Variants in IRX1 observed in about 807,000 individuals in gnomAD.
IRX1 encodes iroquois homeobox 1, also known as iroquois-class homeodomain protein IRX-1.
In IRX1, 22 loss-of-function variants were observed where a neutral mutation model predicts 34.1. That is an observed-to-expected ratio of 0.64 (90% CI 0.46 to 0.92). The LOEUF is 0.92. Among genes scored for constraint, IRX1 ranks in the 40% least tolerant of loss-of-function variants. IRX1 has a pLI of 0.00. For missense variants in IRX1, 758 were observed against 680.0 expected, an observed-to-expected ratio of 1.11 and a Z score of -1.28; for synonymous variants, 363 against 319.0, an observed-to-expected ratio of 1.14 and a Z score of -1.47.
At position 3,599,878 on chromosome 5, in the gene IRX1, G is replaced by T; in HGVS notation, c.930G>T (p.Pro310=). 1.3e-6 allele frequency: 2 copies of T among 1,498,950 alleles called. No individual in the cohort carries two copies. Among genetic ancestry groups the T allele is most frequent in the Non-Finnish European group, 1.8e-6 (2 of 1,128,114 alleles). The allele number at this position is 1,498,950 out of a possible 1,614,324, so 92.9% of individuals were successfully genotyped here. ...GAAAGGLQGA[P]HGKPKIWSLA... ...CAGCGGGCGGCCTGCAGGGTGCGCC[G>T]CACGGCAAGCCCAAGATCTGGTCGC... The change falls in exon 2 of 4, where the codon CCG becomes CCT. Residue 310 remains proline (P), a synonymous_variant. Transcript: ENST00000302006. The surrounding 1 kb of genome is among the most constrained non-coding windows in gnomAD (Gnocchi z 6.6).
Position 3,596,109 on chromosome 5 carries a change from T to G in IRX1, c.4T>G (p.Ser2Ala). The G allele has an allele frequency of 9.6e-7, 1 of 1,044,760 alleles. No individual in the cohort carries two copies. The allele number at this position is 1,044,760 out of a possible 1,614,324, so 64.7% of individuals were successfully genotyped here. A position where few individuals can be genotyped will look rare whatever the true frequency, so the allele number is the denominator to read the frequency against. The stretch of plus-strand genomic sequence containing the variant: ...GGCGGTCGCCGAGTCCGCGGACATG[T>G]CCTTCCCGCAGCTGGGCTACCCGCA... M[S>A]FPQLGYPQYL... Residue 2 changes from serine (S) to alanine (A), a missense_variant, in exon 1 of 4, where the codon TCC becomes GCC. Transcript: ENST00000302006.
In IRX1 at chr5:3,599,989, C is replaced by T; in HGVS notation, c.1041C>T (p.Ser347=). ...PAGHPGAHGP[S]AGAPLQHPAF... is the part of the protein sequence containing the mutation. The stretch of plus-strand genomic sequence containing the variant: ...GCCACCCCGGCGCGCACGGGCCCTC[C>T]GCCGGGGCGCCGCTGCAACACCCCG... Residue 347 remains serine (S), a synonymous_variant, in exon 2 of 4, where the codon TCC becomes TCT. Transcript: ENST00000302006. This position sits in a 1 kb window ranked among gnomAD's most constrained non-coding sequence, Gnocchi z 6.6. 4 of 1,515,762 alleles carry T rather than the reference C, an allele frequency of 2.6e-6. No individual in the cohort carries two copies. The highest frequency in any genetic ancestry group is 3.6e-6 in the Non-Finnish European group (4 of 1,126,412). The allele number at this position is 1,515,762 out of a possible 1,614,324, so 93.9% of individuals were successfully genotyped here. A position where few individuals can be genotyped will look rare whatever the true frequency, so the allele number is the denominator to read the frequency against.
At position 3,599,323 on chromosome 5, in the gene IRX1, C is replaced by T. The variant is rs748622584; in HGVS notation, c.375C>T (p.Tyr125=). The stretch of plus-strand genomic sequence containing the variant: ...ATTACCCCTACGGCCAGTTCCAATA[C>T]GGGGACCCCGGGCGGCCCAAGAACG... ...PAYYPYGQFQ[Y]GDPGRPKNAT... is the part of the protein sequence containing the mutation. Residue 125 remains tyrosine, a synonymous_variant, in exon 2 of 4, where the codon TAC becomes TAT. Transcript: ENST00000302006. The surrounding 1 kb of genome is among the most constrained non-coding windows in gnomAD (Gnocchi z 6.6). The T allele has an allele frequency of 1.2e-6, 2 of 1,613,940 alleles. No homozygotes were observed. Among genetic ancestry groups the T allele is most frequent in the African/African-American group, 1.3e-5 (1 of 74,902 alleles).
rs1289193604 is a variant in IRX1, at chr5:3,599,937, C to T, written c.989C>T (p.Pro330Leu). Residue 330 changes from proline (P) to leucine (L), a missense_variant, in exon 2 of 4, where the codon CCC becomes CTC. Pro to Leu is a moderately conservative substitution (Grantham distance 98). Transcript: ENST00000302006. This position sits in a 1 kb window ranked among gnomAD's most constrained non-coding sequence, Gnocchi z 6.6. ...AETATSPDGAPKASPPPPAGH... is the reference protein window; with the variant it reads ...AETATSPDGALKASPPPPAGH... ...ACAGCCACGAGCCCCGACGGTGCGC[C>T]CAAGGCTTCGCCACCACCACCCGCG... 6.7e-7 allele frequency: 1 copy of T among 1,500,012 alleles called. No individual in the cohort carries two copies. Among genetic ancestry groups the T allele is most frequent in the East Asian group, 2.5e-5 (1 of 40,070 alleles). 92.9% of individuals were successfully genotyped at this position (1,500,012 alleles called of 1,614,324 possible). A position where few individuals can be genotyped will look rare whatever the true frequency, so the allele number is the denominator to read the frequency against.
intron 1 of IRX1, among the ~76,000 whole-genome samples, chr5:3,597,712 A>G (rs72725055): frequency 2.0e-4 from 31 of 152,332 alleles, no homozygotes; most frequent in Non-Finnish European, 4.3e-4. Context: ...TACATTTTGG[A>G]ACGATTGGGC....
intron 1 of IRX1, among the ~76,000 whole-genome samples, chr5:3,597,677 C>T (rs939196464): frequency 2.0e-5 from 3 of 152,294 alleles, no homozygotes; most frequent in South Asian, 2.1e-4. Context: ...ACAATTACAA[C>T]CAAAATAATT....
rs1182655916 is a variant in IRX1, at chr5:3,599,585, G to T, written c.637G>T (p.Asp213Tyr). 3.7e-6 allele frequency: 6 copies of T among 1,614,114 alleles called. No homozygotes were observed. Among genetic ancestry groups the T allele is most frequent in the East Asian group, 2.2e-5 (1 of 44,856 alleles). The change falls in exon 2 of 4, where the codon GAC becomes TAC. Residue 213 changes from aspartate to tyrosine, a missense_variant. Physicochemically the swap from Asp to Tyr is radical, Grantham distance 160. This residue lies in a region of IRX1 where 529 missense variants were observed against 418.8 expected (regional missense o/e 1.26). Coordinates refer to ENST00000302006, the MANE Select transcript of IRX1 (RefSeq NM_024337.4). The surrounding 1 kb of genome is among the most constrained non-coding windows in gnomAD (Gnocchi z 6.6). ...GALFGSDTEG[D>Y]PEKAEDDEEI... ...GCTCTTCGGCAGCGACACCGAGGGC[G>T]ACCCGGAGAAGGCCGAGGACGACGA...
chr5:3,600,783 G>T (rs913262776), intron 3 of IRX1, 102 bp downstream of exon 3: 9 of 1,237,194 alleles, frequency 7.3e-6, no homozygotes, highest in Middle Eastern at 2.2e-4. Context: ...TGGGGGTCGC[G>T]CAGTCCTAGT....
rs1390158020 is a variant in IRX1, at chr5:3,600,207, C to T, written c.1259C>T (p.Pro420Leu). Residue 420 changes from proline (P) to leucine (L), a missense_variant, in exon 2 of 4, where the codon CCG (proline) becomes CTG (leucine). Pro to Leu is a moderately conservative substitution (Grantham distance 98, BLOSUM62 -3). Transcript: ENST00000302006. ...PPPQPPVAIA[P>L]GALNGDKASV... The stretch of plus-strand genomic sequence containing the variant: ...CCGCAGCCGCCGGTCGCTATTGCCC[C>T]GGGGGCACTCAATGGAGACAAGGCC... 1.9e-5 allele frequency: 31 copies of T among 1,610,636 alleles called. No homozygotes were observed. In the East Asian group the frequency reaches 6.9e-4, roughly 36 times the overall value.
rs1254030174 is a variant in IRX1 at position 3,599,806 on chromosome 5, G to A, written c.858G>A (p.Lys286=). 1.3e-6 allele frequency: 2 copies of A among 1,589,582 alleles called. No homozygotes were observed. Among genetic ancestry groups the A allele is most frequent in the South Asian group, 1.1e-5 (1 of 88,568 alleles). Residue 286 remains lysine, a synonymous_variant, in exon 2 of 4, where the codon AAG becomes AAA. Coordinates refer to ENST00000302006, the MANE Select transcript of IRX1 (RefSeq NM_024337.4). The surrounding 1 kb of genome is among the most constrained non-coding windows in gnomAD (Gnocchi z 6.6). ...KPQDSPLGLA[K]EAPEPGSTRL... The stretch of plus-strand genomic sequence containing the variant: ...AGGACTCGCCCTTGGGCCTGGCAAA[G>A]GAGGCCCCAGAGCCGGGCAGCACGC...
rs1733896531 is a variant in IRX1, at chr5:3,599,561, C to G, written c.613C>G (p.Leu205Val). 2.2e-5 allele frequency: 35 copies of G among 1,613,978 alleles called. No individual in the cohort carries two copies. The highest frequency in any genetic ancestry group is 2.8e-5 in the Non-Finnish European group (33 of 1,180,024). The part of the protein sequence containing the change: ...ARSKDQEDGA[L>V]FGSDTEGDPE... The stretch of plus-strand genomic sequence containing the variant: ...CAGCAAGGACCAGGAAGATGGAGCG[C>G]TCTTCGGCAGCGACACCGAGGGCGA... The change falls in exon 2 of 4, where the codon CTC becomes GTC. Residue 205 changes from leucine (L) to valine (V), a missense_variant. Leu to Val is a conservative substitution (Grantham distance 32). This residue lies in a region of IRX1 where 529 missense variants were observed against 418.8 expected (regional missense o/e 1.26). Transcript: ENST00000302006. The surrounding 1 kb of genome is among the most constrained non-coding windows in gnomAD (Gnocchi z 6.6).
chr5:3,599,821 G>A lies in IRX1; in HGVS notation c.873G>A (p.Pro291=). 1.9e-6 allele frequency: 3 copies of A among 1,573,052 alleles called. No individual in the cohort carries two copies. Among genetic ancestry groups the A allele is most frequent in the Non-Finnish European group, 2.6e-6 (3 of 1,160,878 alleles). Residue 291 remains proline, a synonymous_variant, in exon 2 of 4, where the codon CCG becomes CCA. Coordinates refer to ENST00000302006, the MANE Select transcript of IRX1 (RefSeq NM_024337.4). This position sits in a 1 kb window ranked among gnomAD's most constrained non-coding sequence, Gnocchi z 6.6. ...PLGLAKEAPE[P]GSTRLLSPGA... ...GCCTGGCAAAGGAGGCCCCAGAGCC[G>A]GGCAGCACGCGCCTGCTGAGCCCCG...
intron 1 of IRX1, among the ~76,000 whole-genome samples, chr5:3,596,651 G>T (rs1325598635): frequency 6.6e-6 from 1 of 152,138 alleles, no homozygotes; most frequent in Non-Finnish European, 1.5e-5. Context: ...CAGAGAGGCC[G>T]CAGAAGCAGG....
intron 1 of IRX1, among the ~76,000 whole-genome samples, chr5:3,598,765 C>T (rs182383151): frequency 2.6e-4 from 40 of 152,264 alleles, no homozygotes; most frequent in African/African-American, 8.9e-4. Context: ...GGGCCCTTTA[C>T]GTTTGGAGAA....
At chr5:3,597,116 G>A (rs1297475156) in intron 1 of IRX1, among the ~76,000 whole-genome samples, 1 of 152,132 alleles carries the variant, frequency 6.6e-6, no homozygotes, top group African/African-American at 2.4e-5. Context: ...TTCTTCCTGC[G>A]TTACATAATG....
In IRX1 at chr5:3,599,122, T is replaced by G. The variant is rs1733872113; in HGVS notation, c.277-103T>G. 8.0e-7 allele frequency: 1 copy of G among 1,254,546 alleles called. No homozygotes were observed. Among genetic ancestry groups the G allele is most frequent in the African/African-American group, 1.5e-5 (1 of 66,740 alleles). The allele number at this position is 1,254,546 out of a possible 1,614,324, so 77.7% of individuals were successfully genotyped here. On this transcript the variant is annotated intron_variant, in intron 1 of 3. Transcript: ENST00000302006. This position sits in a 1 kb window ranked among gnomAD's most constrained non-coding sequence, Gnocchi z 6.6. ...CCCTCGAGTCCATTGAAGCGGCTGC[T>G]TCCCACTCTCCCGTCTTGGGGACTC...
chr5:3,600,203 G>A lies in IRX1; in HGVS notation c.1255G>A (p.Ala419Thr). The A allele has an allele frequency of 6.2e-7, 1 of 1,611,150 alleles. No individual in the cohort carries two copies. ...ACCACCGCAGCCGCCGGTCGCTATT[G>A]CCCCGGGGGCACTCAATGGAGACAA... is the stretch of plus-strand genomic sequence containing the variant. ...PPPPQPPVAI[A>T]PGALNGDKAS... The change falls in exon 2 of 4, where the codon GCC becomes ACC. Residue 419 changes from alanine to threonine, a missense_variant. This residue lies in a region of IRX1 where 529 missense variants were observed against 418.8 expected (regional missense o/e 1.26). Coordinates refer to ENST00000302006, the MANE Select transcript of IRX1 (RefSeq NM_024337.4).
intron 1 of IRX1, among the ~76,000 whole-genome samples, chr5:3,597,844 G>A (rs1468550421): frequency 2.0e-5 from 3 of 152,136 alleles, no homozygotes; most frequent in Admixed American, 1.3e-4. Context: ...TGCTAACATT[G>A]CAACTAGACC....
In IRX1 at chr5:3,599,699, G is replaced by T. The variant is rs757759260; in HGVS notation, c.751G>T (p.Ala251Ser). The change falls in exon 2 of 4, where the codon GCT becomes TCT. Residue 251 changes from alanine to serine, a missense_variant. Physicochemically the swap from Ala to Ser is moderately conservative, Grantham distance 99. Transcript: ENST00000302006. The surrounding 1 kb of genome is among the most constrained non-coding windows in gnomAD (Gnocchi z 6.6). The stretch of plus-strand genomic sequence containing the variant: ...CGAGGATGACGAGGACAAGGCCGAG[G>T]CTCCGCACGCGCCCGCAGCCCCTTC... ...SNEDDEDKAE[A>S]PHAPAAPSAL... is the part of the protein sequence containing the mutation. 3 of 1,612,986 alleles carry T rather than the reference G, an allele frequency of 1.9e-6. No homozygotes were observed. Among genetic ancestry groups the T allele is most frequent in the Non-Finnish European group, 1.7e-6 (2 of 1,180,018 alleles).
Sources: gnomAD v4.1 joint callset for allele counts (sites outside exome capture counted in the v4.1 genomes callset) on GRCh38, gnomAD v4.1.1 for gene constraint, gnomAD v4.1.1 regional missense constraint, Gnocchi (gnomAD v3.1) non-coding constraint, MANE v1.5 for transcripts, NCBI Gene and HGNC (gene_info 2026-07-23, HGNC 2026-07-21) for gene names.